Variants in GABRB1 observed in about 807,000 individuals in gnomAD.
GABRB1 encodes gamma-aminobutyric acid type A receptor subunit beta1.
In GABRB1, 17 loss-of-function variants were observed where a neutral mutation model predicts 51.6. That is an observed-to-expected ratio of 0.33 (90% CI 0.23 to 0.49). The LOEUF is 0.49. Among genes scored for constraint, GABRB1 ranks in the 20% least tolerant of loss-of-function variants. GABRB1 has a pLI of 0.99. For missense variants in GABRB1, 410 were observed against 600.6 expected (o/e 0.68, Z 3.32); for synonymous variants, 247 against 218.9 (o/e 1.13, Z -1.14).
At chr4:47,053,475 C>T (rs558807125) in intron 3 of GABRB1, among the ~76,000 whole-genome samples, 2 of 152,206 alleles carry the variant, frequency 1.3e-5, no homozygotes, top group Non-Finnish European at 2.9e-5. Context: ...TAATCTCATT[C>T]GTGAATACTC....
chr4:47,177,353 G>C lies in GABRB1; in HGVS notation c.461+15884G>C, dbSNP rs117106085. 7.2e-4 allele frequency among the ~76,000 whole-genome samples: 109 copies of C among 152,202 alleles called. 1 individual carries two copies. In the East Asian group the frequency reaches 0.02, roughly 28 times the overall value. On this transcript the variant is annotated intron_variant, in intron 4 of 8. Transcript: ENST00000295454. Reference sequence around the variant, plus strand: ...GGTAAATGTGGGCAGAACTAGAGAAGAGGGGCCTGAAAAAGAGCCTAGCTA... The same window carrying C: ...GGTAAATGTGGGCAGAACTAGAGAACAGGGGCCTGAAAAAGAGCCTAGCTA...
intron 1 of GABRB1, among the ~76,000 whole-genome samples, chr4:47,003,865 C>G (rs1724300905): frequency 6.6e-6 from 1 of 152,184 alleles, no homozygotes; most frequent in Non-Finnish European, 1.5e-5. Flanking sequence ...AATGCAATGT[C>G]CTTTCAGGAA....
intron 5 of GABRB1, among the ~76,000 whole-genome samples, chr4:47,364,663 A>C (rs1726918052): frequency 6.6e-6 from 1 of 151,982 alleles, no homozygotes; most frequent in South Asian, 2.1e-4. Flanking sequence ...AAGATTAAAG[A>C]TAAAACCAGC....
At chr4:47,214,950 A>G (rs1408767816) in intron 4 of GABRB1, among the ~76,000 whole-genome samples, 1 of 152,166 alleles carries the variant, frequency 6.6e-6, no homozygotes, top group African/African-American at 2.4e-5. Context: ...CCCTTAGAGT[A>G]AAGTGCTTTT....
intron 5 of GABRB1, among the ~76,000 whole-genome samples, chr4:47,376,956 C>A (rs1217519053): frequency 3.3e-5 from 5 of 152,122 alleles, no homozygotes. Context: ...CTTCCTATAA[C>A]ATTTTGTATA....
intron 4 of GABRB1, among the ~76,000 whole-genome samples, chr4:47,187,659 G>A (rs1039516174): frequency 1.3e-5 from 2 of 151,808 alleles, no homozygotes; most frequent in African/African-American, 4.8e-5. Context: ...GTTAAACCGT[G>A]TCACTCCTCT....
chr4:47,245,866 T>A (rs774875402), intron 4 of GABRB1, among the ~76,000 whole-genome samples: 1 of 151,304 alleles, frequency 6.6e-6, no homozygotes, highest in Non-Finnish European at 1.5e-5. Flanking sequence ...ATAGAAACAT[T>A]GTAGAGGTCT....
At chr4:47,085,310 C>A (rs926384508) in intron 3 of GABRB1, among the ~76,000 whole-genome samples, 1 of 152,228 alleles carries the variant, frequency 6.6e-6, no homozygotes, top group East Asian at 1.9e-4. Flanking sequence ...TAAAAAGAAT[C>A]TATAGTACAT....
At chr4:47,263,818 C>T (rs1368292289) in intron 4 of GABRB1, among the ~76,000 whole-genome samples, 5 of 152,112 alleles carry the variant, frequency 3.3e-5, no homozygotes, top group Non-Finnish European at 7.4e-5. Context: ...CAAATGATAA[C>T]ATTCCTTAGA....
At chr4:47,368,252 C>T (rs1384656849) in intron 5 of GABRB1, among the ~76,000 whole-genome samples, 1 of 152,180 alleles carries the variant, frequency 6.6e-6, no homozygotes, top group Non-Finnish European at 1.5e-5. Flanking sequence ...TCAAGAACTA[C>T]CATGCCTACT....
intron 3 of GABRB1, among the ~76,000 whole-genome samples, chr4:47,086,551 A>G (rs1027348508): frequency 4.6e-5 from 7 of 152,216 alleles, no homozygotes; most frequent in Non-Finnish European, 1.0e-4. Context: ...ATTAATCTGA[A>G]CTTAGAACTT....
chr4:47,143,262 A>G (rs1717006088), intron 3 of GABRB1, among the ~76,000 whole-genome samples: 1 of 151,900 alleles, frequency 6.6e-6, no homozygotes, highest in East Asian at 1.9e-4. Context: ...CTATTTTAAC[A>G]TGCCACTGAG....
At chr4:47,404,522 C>T (rs923781906) in intron 7 of GABRB1, among the ~76,000 whole-genome samples, 1 of 126,722 alleles carries the variant, frequency 7.9e-6, no homozygotes, top group African/African-American at 3.3e-5. Flanking sequence ...CACACACACA[C>T]ACACACATCA....
chr4:47,213,448 C>G (rs2109813424), intron 4 of GABRB1, among the ~76,000 whole-genome samples: 1 of 151,962 alleles, frequency 6.6e-6, no homozygotes, highest in South Asian at 2.1e-4. Flanking sequence ...CTCTCTCTCT[C>G]TCTCACTCTC....
At chr4:47,081,540 T>G (rs762704204) in intron 3 of GABRB1, among the ~76,000 whole-genome samples, 3 of 152,156 alleles carry the variant, frequency 2.0e-5, no homozygotes, top group Non-Finnish European at 4.4e-5. Flanking sequence ...TTTCAAATAT[T>G]CAGATATGGT....
chr4:47,140,093 AACACACACACACACAC>A lies in GABRB1; in HGVS notation c.241-21122_241-21107del, dbSNP rs67749563. Among the ~76,000 whole-genome samples, 1,082 of 135,410 alleles carry A rather than the reference AACACACACACACACAC, an allele frequency of 8.0e-3. 7 individuals carry two copies. The highest frequency in any genetic ancestry group is 9.4e-3 in the Non-Finnish European group (593 of 62,958). 88.8% of individuals were successfully genotyped at this position (135,410 alleles called of 152,430 possible). A position where few individuals can be genotyped will look rare whatever the true frequency, so the allele number is the denominator to read the frequency against. ...ATATTCCTGGTAACTAAATTAAATT[AACACACACACACACAC>A]ACACACACACACACACACACACACA... On this transcript the variant is annotated intron_variant, in intron 3 of 8. Coordinates refer to ENST00000295454, the MANE Select transcript of GABRB1 (RefSeq NM_000812.4).
chr4:47,308,849 G>C (rs1177620626), intron 4 of GABRB1, among the ~76,000 whole-genome samples: 1 of 151,996 alleles, frequency 6.6e-6, no homozygotes, highest in Non-Finnish European at 1.5e-5. Context: ...TGAATGCTTA[G>C]GGCTTGCTAT....
At chr4:47,297,336 G>C (rs1724042409) in intron 4 of GABRB1, among the ~76,000 whole-genome samples, 1 of 126,252 alleles carries the variant, frequency 7.9e-6, no homozygotes, top group South Asian at 2.7e-4. Context: ...TTTTTGAAAG[G>C]ATCAACAAAA....
At chr4:47,140,093 AACAC>A (rs67749563) in intron 3 of GABRB1, among the ~76,000 whole-genome samples, 24,651 of 135,100 alleles carry the variant, frequency 0.18, 2,449 homozygotes, top group Middle Eastern at 0.36. Context: ...AAATTAAATT[AACAC>A]ACACACACAC....
Sources: allele counts gnomAD v4.1 joint callset (sites outside exome capture counted in the v4.1 genomes callset), GRCh38; gene constraint gnomAD v4.1.1; transcripts MANE v1.5; gene names NCBI Gene and HGNC (gene_info 2026-07-23, HGNC 2026-07-21).